The following MACROD2 variants were observed in gnomAD, a reference collection of about 807,000 sequenced individuals.
MACROD2 encodes ADP-ribose glycohydrolase MACROD2.
A neutral mutation model predicts 70.4 loss-of-function variants in MACROD2; 36 were observed. The observed-to-expected ratio is 0.51, with a 90% CI of 0.39 to 0.68. The LOEUF is 0.68. Among genes scored for constraint, MACROD2 ranks in the 30% least tolerant of loss-of-function variants. MACROD2 has a pLI of 0.00. For synonymous variants in MACROD2, 172 were observed against 178.8 expected (o/e 0.96, Z 0.30); for missense variants, 496 against 538.4 (o/e 0.92, Z 0.78).
rs150389993 is a variant in MACROD2, at chr20:15,241,652, G to T, written c.540+11591G>T. On this transcript the variant is annotated intron_variant, in intron 6 of 17. Coordinates refer to ENST00000684519, the MANE Select transcript of MACROD2 (RefSeq NM_001351661.2). ...ATCAGGACGCTGTCTTGCAGAACAA[G>T]TGAAACATACCACTACATAAAGTCT... Among the ~76,000 whole-genome samples the T allele has an allele frequency of 1.9e-4, 28 of 151,170 alleles. No homozygotes were observed. The East Asian group carries it at 5.5e-3, about 30-fold the overall frequency.
At chr20:14,065,178 T>C (rs1161832738) in intron 2 of MACROD2, among the ~76,000 whole-genome samples, 1 of 152,158 alleles carries the variant, frequency 6.6e-6, no homozygotes, top group African/African-American at 2.4e-5. Flanking sequence ...TCCATTCCTG[T>C]TCTGGCCAGT....
chr20:14,160,277 G>A (rs2055166016), intron 3 of MACROD2, among the ~76,000 whole-genome samples: 1 of 152,146 alleles, frequency 6.6e-6, no homozygotes. Context: ...GTTATTTGGG[G>A]TAGTTTGGGG....
chr20:14,840,667 G>T (rs1035204018), intron 5 of MACROD2, among the ~76,000 whole-genome samples: 1 of 152,110 alleles, frequency 6.6e-6, no homozygotes, highest in African/African-American at 2.4e-5. Context: ...AAAGAGGAAG[G>T]TTGAGTTAAA....
chr20:16,037,681 A>G (rs1470246998), intron 15 of MACROD2, among the ~76,000 whole-genome samples: 2 of 151,946 alleles, frequency 1.3e-5, no homozygotes, highest in African/African-American at 4.8e-5. Context: ...TGAAAAAATT[A>G]AATGACCAGC....
chr20:15,091,499 G>C (rs186131766), intron 5 of MACROD2, among the ~76,000 whole-genome samples: 1 of 151,882 alleles, frequency 6.6e-6, no homozygotes, highest in Non-Finnish European at 1.5e-5. Context: ...TTCTGGATTA[G>C]TGTTTTGTGA....
chr20:14,358,927 CT>C (rs2122713853), intron 3 of MACROD2, among the ~76,000 whole-genome samples: 1 of 152,234 alleles, frequency 6.6e-6, no homozygotes, highest in East Asian at 1.9e-4. Context: ...TGGCTCATGC[CT>C]GTAATCTCAG....
chr20:15,243,700 G>A (rs930661783), intron 6 of MACROD2, among the ~76,000 whole-genome samples: 2 of 152,212 alleles, frequency 1.3e-5, no homozygotes, highest in African/African-American at 4.8e-5. Flanking sequence ...CAAATCACGA[G>A]GTCAGGAGAT....
chr20:15,615,978 C>T (rs1282193540), intron 8 of MACROD2, among the ~76,000 whole-genome samples: 2 of 151,994 alleles, frequency 1.3e-5, no homozygotes, highest in Non-Finnish European at 2.9e-5. Context: ...CTGTTGGTTC[C>T]AGGCAGATCG....
At chr20:15,259,513 G>T (rs1220998904) in intron 6 of MACROD2, among the ~76,000 whole-genome samples, 1 of 151,930 alleles carries the variant, frequency 6.6e-6, no homozygotes, top group Non-Finnish European at 1.5e-5. Context: ...TGTGGTGATG[G>T]TTTTTTTAAG....
chr20:14,401,649 T>A (rs1296520050), intron 3 of MACROD2, among the ~76,000 whole-genome samples: 1 of 152,162 alleles, frequency 6.6e-6, no homozygotes, highest in Non-Finnish European at 1.5e-5. Context: ...GCATGTGATT[T>A]CCTTTTTCTT....
At chr20:15,378,801 T>C (rs538560007) in intron 6 of MACROD2, among the ~76,000 whole-genome samples, 109 of 152,294 alleles carry the variant, frequency 7.2e-4, no homozygotes, top group Non-Finnish European at 1.5e-3. Context: ...TTTTCAACCT[T>C]AACTGATGCA....
intron 5 of MACROD2, among the ~76,000 whole-genome samples, chr20:15,093,639 C>G (rs893148036): frequency 2.0e-5 from 3 of 152,144 alleles, no homozygotes; most frequent in Non-Finnish European, 4.4e-5. Flanking sequence ...TTGAGGAACA[C>G]TGAATTAAAT....
intron 12 of MACROD2, among the ~76,000 whole-genome samples, chr20:15,945,814 G>C (rs895366405): frequency 6.6e-6 from 1 of 152,178 alleles, no homozygotes; most frequent in African/African-American, 2.4e-5. Context: ...AAATCTGTCT[G>C]AACCCAAAGC....
chr20:14,233,827 A>C lies in MACROD2; in HGVS notation c.271+148099A>C, dbSNP rs570024618. Among the ~76,000 whole-genome samples, 93 of 152,226 alleles carry C rather than the reference A, an allele frequency of 6.1e-4. No individual in the cohort carries two copies. In the South Asian group the frequency reaches 8.1e-3, roughly 13 times the overall value. On this transcript the variant is annotated intron_variant, in intron 3 of 17. Transcript: ENST00000684519. The stretch of plus-strand genomic sequence containing the variant: ...CTTAAAAGCCTTTATATACTGCCTG[A>C]TGCCAACTATATGACATTATGGAAA...
At chr20:14,418,382 A>G (rs577256347) in intron 3 of MACROD2, among the ~76,000 whole-genome samples, 1 of 152,142 alleles carries the variant, frequency 6.6e-6, no homozygotes, top group Non-Finnish European at 1.5e-5. Context: ...GAGGATTTGA[A>G]GTGAGAACGG....
chr20:16,050,992 C>T lies in MACROD2; in HGVS notation c.*1116C>T, dbSNP rs2067451318. 6.6e-6 allele frequency: 1 copy of T among 152,304 alleles called. No homozygotes were observed. The highest frequency in any genetic ancestry group is 1.5e-5 in the Non-Finnish European group (1 of 68,120). The allele number at this position is 152,304 out of a possible 1,614,324, so 9.4% of individuals were successfully genotyped here. A position where few individuals can be genotyped will look rare whatever the true frequency, so the allele number is the denominator to read the frequency against. On this transcript the variant is annotated 3_prime_UTR_variant, in exon 18 of 18. Coordinates refer to ENST00000684519, the MANE Select transcript of MACROD2 (RefSeq NM_001351661.2). ...GAAAACCCTGAAGGGGAGGATACAG[C>T]TCTGAAGGGGGGCAGCAGTACTAAA... is the stretch of plus-strand genomic sequence containing the variant.
At chr20:15,369,347 A>G (rs1317281369) in intron 6 of MACROD2, among the ~76,000 whole-genome samples, 2 of 152,160 alleles carry the variant, frequency 1.3e-5, no homozygotes, top group East Asian at 3.9e-4. Context: ...TAGTGGGAAA[A>G]TACCGTTTTG....
intron 4 of MACROD2, among the ~76,000 whole-genome samples, chr20:14,613,408 C>T (rs1983289626): frequency 6.6e-6 from 1 of 151,864 alleles, no homozygotes; most frequent in Non-Finnish European, 1.5e-5. Flanking sequence ...TCTTGGTTAA[C>T]ATATATGGGG....
At chr20:14,842,166 G>A (rs2073094648) in intron 5 of MACROD2, among the ~76,000 whole-genome samples, 1 of 152,028 alleles carries the variant, frequency 6.6e-6, no homozygotes, top group African/African-American at 2.4e-5. Flanking sequence ...TCTAGAGAGA[G>A]GAAATGTGGC....
Sources: allele counts gnomAD v4.1 joint callset (sites outside exome capture counted in the v4.1 genomes callset), GRCh38; gene constraint gnomAD v4.1.1; transcripts MANE v1.5; gene names NCBI Gene and HGNC (gene_info 2026-07-23, HGNC 2026-07-21).